DLG2: variants seen among roughly 807,000 people sequenced by gnomAD.
DLG2 encodes discs large MAGUK scaffold protein 2.
DLG2 carries 45 observed loss-of-function variants against 132.5 expected under a neutral mutation model. The observed-to-expected ratio is 0.34, with a 90% CI of 0.27 to 0.44. The LOEUF is 0.44. Among genes scored for constraint, DLG2 ranks in the 20% least tolerant of loss-of-function variants. The pLI, the probability that DLG2 is intolerant of heterozygous loss-of-function variation, is 1.00. For missense variants in DLG2, 1,045 were observed against 1,196.9 expected, an observed-to-expected ratio of 0.87 and a Z score of 1.87; for synonymous variants, 424 against 419.6, an observed-to-expected ratio of 1.01 and a Z score of -0.13.
intron 6 of DLG2, among the ~76,000 whole-genome samples, chr11:84,953,645 A>G (rs2051243393): frequency 2.0e-5 from 3 of 152,186 alleles, no homozygotes; most frequent in South Asian, 4.1e-4. Flanking sequence ...GTGGGATAAT[A>G]TAAGTTTAGC....
chr11:84,824,924 G>A (rs1017688415), intron 6 of DLG2, among the ~76,000 whole-genome samples: 2 of 151,866 alleles, frequency 1.3e-5, no homozygotes, highest in Admixed American at 6.6e-5. Context: ...TGTTCTCCAC[G>A]AGACACATTG....
At chr11:84,595,592 C>T (rs1371776528) in intron 6 of DLG2, among the ~76,000 whole-genome samples, 1 of 152,060 alleles carries the variant, frequency 6.6e-6, no homozygotes, top group Non-Finnish European at 1.5e-5. Context: ...AACTTCCTGG[C>T]TCTGCACAGA....
chr11:84,652,806 C>T (rs2099683655), intron 6 of DLG2, among the ~76,000 whole-genome samples: 1 of 152,098 alleles, frequency 6.6e-6, no homozygotes, highest in East Asian at 1.9e-4. Flanking sequence ...AAGTGACTTA[C>T]CCAATGCACA....
At chr11:85,532,840 T>A (rs1484126406) in intron 3 of DLG2, among the ~76,000 whole-genome samples, 1 of 152,182 alleles carries the variant, frequency 6.6e-6, no homozygotes, top group Non-Finnish European at 1.5e-5. Context: ...TGTCCTGAAA[T>A]CAAAGCTATT....
chr11:84,685,114 G>A (rs1435359051), intron 6 of DLG2, among the ~76,000 whole-genome samples: 1 of 152,332 alleles, frequency 6.6e-6, no homozygotes, highest in African/African-American at 2.4e-5. Flanking sequence ...CCAGAGAAAA[G>A]AAGTGAGTTG....
intron 6 of DLG2, among the ~76,000 whole-genome samples, chr11:84,681,104 A>T (rs1476202615): frequency 2.0e-5 from 3 of 152,308 alleles, no homozygotes; most frequent in Non-Finnish European, 4.4e-5. Flanking sequence ...TTTTCTATTT[A>T]TTTCACACAG....
chr11:84,688,779 T>C lies in DLG2; in HGVS notation c.358-154048A>G, dbSNP rs558341590. The stretch of plus-strand genomic sequence containing the variant: ...AATATGACCCTTCCAATCTCCACTG[T>C]CTGTGTCTGTACATCTCTACAGTGT... On this transcript the variant is annotated intron_variant, in intron 6 of 27. Coordinates refer to ENST00000376104, the MANE Select transcript of DLG2 (RefSeq NM_001142699.3). Among the ~76,000 whole-genome samples the C allele has an allele frequency of 2.0e-5, 3 of 152,320 alleles. No homozygotes were observed. The East Asian group carries it at 5.8e-4, about 29-fold the overall frequency.
At chr11:83,716,449 G>C (rs1454674729) in intron 18 of DLG2, among the ~76,000 whole-genome samples, 1 of 152,192 alleles carries the variant, frequency 6.6e-6, no homozygotes, top group African/African-American at 2.4e-5. Context: ...GTGTCTCTCA[G>C]TAAGTTTTAT....
chr11:84,692,296 T>C (rs1017309139), intron 6 of DLG2, among the ~76,000 whole-genome samples: 12 of 151,788 alleles, frequency 7.9e-5, no homozygotes, highest in African/African-American at 2.7e-4. Flanking sequence ...TTTCAAGCTA[T>C]AAAATTATAA....
At chr11:84,228,578 C>T (rs953564478) in intron 8 of DLG2, among the ~76,000 whole-genome samples, 6 of 152,084 alleles carry the variant, frequency 3.9e-5, no homozygotes, top group African/African-American at 1.2e-4. Flanking sequence ...TTGGCACATT[C>T]GGATGTGATA....
chr11:84,839,471 T>C (rs1317072194), intron 6 of DLG2, among the ~76,000 whole-genome samples: 1 of 152,128 alleles, frequency 6.6e-6, no homozygotes, highest in Non-Finnish European at 1.5e-5. Context: ...AATGACTTTC[T>C]TCACAGAATC....
intron 6 of DLG2, among the ~76,000 whole-genome samples, chr11:84,667,637 C>T (rs888856844): frequency 2.6e-5 from 4 of 151,624 alleles, no homozygotes; most frequent in Non-Finnish European, 2.9e-5. Flanking sequence ...GCTGGAAATA[C>T]AGGCACCCAC....
chr11:84,977,391 C>G (rs530975274), intron 6 of DLG2, among the ~76,000 whole-genome samples: 3 of 152,284 alleles, frequency 2.0e-5, no homozygotes, highest in Admixed American at 2.0e-4. Context: ...TTCATGACCC[C>G]TTTGAGCTTC....
At chr11:85,259,303 GCTTCCCCTTTGC>G (rs2152710900) in intron 4 of DLG2, among the ~76,000 whole-genome samples, 1 of 152,224 alleles carries the variant, frequency 6.6e-6, no homozygotes, top group South Asian at 2.1e-4. Flanking sequence ...AGATGCATCT[GCTTCCCCTTTGC>G]CTTCCACCAT....
chr11:85,360,357 T>C (rs1486340304), intron 3 of DLG2, among the ~76,000 whole-genome samples: 1 of 152,152 alleles, frequency 6.6e-6, no homozygotes, highest in African/African-American at 2.4e-5. Context: ...AGAATAATAT[T>C]AGGGCTTAAG....
intron 17 of DLG2, among the ~76,000 whole-genome samples, chr11:83,801,900 T>A (rs1315779366): frequency 1.3e-5 from 2 of 152,174 alleles, no homozygotes; most frequent in Non-Finnish European, 2.9e-5. Context: ...TTAAATCACA[T>A]AACTTTATTT....
At chr11:84,857,162 A>T (rs1041471243) in intron 6 of DLG2, among the ~76,000 whole-genome samples, 12 of 151,906 alleles carry the variant, frequency 7.9e-5, no homozygotes, top group African/African-American at 2.9e-4. Flanking sequence ...AGTGAAGCAA[A>T]TATAGAGGGG....
chr11:85,122,890 A>G (rs1357421367), intron 5 of DLG2, among the ~76,000 whole-genome samples: 1 of 145,152 alleles, frequency 6.9e-6, no homozygotes, highest in Non-Finnish European at 1.5e-5. Context: ...GTATATTTAT[A>G]CACATATACA....
At chr11:83,781,466 A>G (rs915415667) in intron 18 of DLG2, among the ~76,000 whole-genome samples, 1 of 152,208 alleles carries the variant, frequency 6.6e-6, no homozygotes, top group Non-Finnish European at 1.5e-5. Context: ...GACTACACTT[A>G]TGAGTCTCCA....
Sources: gnomAD v4.1 joint callset for allele counts (sites outside exome capture counted in the v4.1 genomes callset) on GRCh38, gnomAD v4.1.1 for gene constraint, MANE v1.5 for transcripts, NCBI Gene and HGNC (gene_info 2026-07-23, HGNC 2026-07-21) for gene names.